Variants in NELL1 observed in about 807,000 individuals in gnomAD.
The protein encoded by NELL1 is neural EGFL like 1.
NELL1 carries 76 observed loss-of-function variants against 107.4 expected under a neutral mutation model. The observed-to-expected ratio is 0.71, with a 90% confidence interval of 0.59 to 0.86. The LOEUF is 0.86. Among genes scored for constraint, NELL1 ranks in the 40% least tolerant of loss-of-function variants. The probability of loss-of-function intolerance (pLI) is 0.00; values close to 1 mark genes in which losing one functional copy is unlikely to be tolerated. For missense variants in NELL1, 1,024 were observed against 1,005.5 expected (o/e 1.02, Z -0.25); for synonymous variants, 353 against 341.2 (o/e 1.03, Z -0.38).
At chr11:21,354,688 G>A (rs1392091724) in intron 14 of NELL1, among the ~76,000 whole-genome samples, 1 of 152,162 alleles carries the variant, frequency 6.6e-6, no homozygotes, top group Admixed American at 6.5e-5. Context: ...TTGGAGATGG[G>A]AAACAAAGAA....
At chr11:20,870,984 C>A (rs1461542230) in intron 4 of NELL1, among the ~76,000 whole-genome samples, 1 of 152,178 alleles carries the variant, frequency 6.6e-6, no homozygotes, top group Non-Finnish European at 1.5e-5. Flanking sequence ...TATTAAAAAA[C>A]AATCAAGTTT....
At chr11:21,326,364 A>C (rs1850142558) in intron 14 of NELL1, among the ~76,000 whole-genome samples, 1 of 151,754 alleles carries the variant, frequency 6.6e-6, no homozygotes, top group Non-Finnish European at 1.5e-5. Context: ...GACAAACTTC[A>C]AATAATAGGA....
intron 5 of NELL1, among the ~76,000 whole-genome samples, chr11:20,900,879 A>G (rs982191468): frequency 1.3e-5 from 2 of 152,120 alleles, no homozygotes; most frequent in Admixed American, 1.3e-4. Context: ...AAAAAATCCA[A>G]TGGTCTTCTC....
intron 2 of NELL1, among the ~76,000 whole-genome samples, chr11:20,717,691 G>A (rs1036620217): frequency 2.0e-5 from 3 of 151,920 alleles, no homozygotes; most frequent in East Asian, 3.9e-4. Flanking sequence ...TACCTTTGAG[G>A]GTTCCCCATT....
chr11:21,138,996 G>A (rs1456682594), intron 13 of NELL1, among the ~76,000 whole-genome samples: 2 of 152,308 alleles, frequency 1.3e-5, no homozygotes, highest in East Asian at 1.9e-4. Context: ...CCTCATTGGA[G>A]TAGTTTTGTA....
rs79963908 is a variant in NELL1 at position 21,570,303 on chromosome 11, C to T, written c.1981-461C>T. Among the ~76,000 whole-genome samples the T allele has an allele frequency of 1.3e-4, 20 of 151,764 alleles. 3 individuals carry two copies. The highest frequency in any genetic ancestry group is 8.3e-4 in the South Asian group (4 of 4,814). ...AAGTGGTTTAGCCTCTCTGGGTCTA[C>T]GTTAATTTTCTGTATAAAGGGCATA... On this transcript the variant is annotated intron_variant, in intron 17 of 19. Coordinates refer to ENST00000357134, the MANE Select transcript of NELL1 (RefSeq NM_006157.5).
chr11:20,920,221 T>C (rs1850347660), intron 7 of NELL1, among the ~76,000 whole-genome samples: 1 of 21,318 alleles, frequency 4.7e-5, no homozygotes, highest in Middle Eastern at 0.016. Flanking sequence ...GACATTATAC[T>C]CTGCAAAAGA....
intron 6 of NELL1, 24 bp downstream of exon 6, chr11:20,918,278 T>A (rs1850301632): frequency 1.5e-6 from 2 of 1,318,436 alleles, no homozygotes; most frequent in African/African-American, 1.5e-5. Context: ...TAAAGCATTG[T>A]GATATATTAT....
At chr11:21,162,096 A>G (rs1856385440) in intron 13 of NELL1, among the ~76,000 whole-genome samples, 1 of 151,844 alleles carries the variant, frequency 6.6e-6, no homozygotes, top group Non-Finnish European at 1.5e-5. Flanking sequence ...AACTATAGGC[A>G]TGAGCCACCA....
At chr11:21,486,456 T>G (rs1473395642) in intron 15 of NELL1, among the ~76,000 whole-genome samples, 2 of 152,106 alleles carry the variant, frequency 1.3e-5, no homozygotes, top group Non-Finnish European at 2.9e-5. Context: ...ACCAACAACA[T>G]ATCTACATCT....
At chr11:20,921,435 A>G (rs1025677704) in intron 7 of NELL1, among the ~76,000 whole-genome samples, 16 of 152,254 alleles carry the variant, frequency 1.1e-4, no homozygotes, top group South Asian at 1.0e-3. Flanking sequence ...AACTTTTCCT[A>G]AGAGAGTAGA....
chr11:20,992,585 A>C (rs997203230), intron 12 of NELL1, among the ~76,000 whole-genome samples: 2 of 152,056 alleles, frequency 1.3e-5, no homozygotes, highest in Non-Finnish European at 2.9e-5. Flanking sequence ...TCTGGCCTTG[A>C]ATGGGTCAAG....
rs536522876 is a variant in NELL1 at position 20,973,399 on chromosome 11, C to T, written c.1300+12839C>T. Among the ~76,000 whole-genome samples, 31 of 152,270 alleles carry T rather than the reference C, an allele frequency of 2.0e-4. No individual in the cohort carries two copies. The East Asian group carries it at 2.9e-3, about 14-fold the overall frequency. On this transcript the variant is annotated intron_variant, in intron 12 of 19. Transcript: ENST00000357134. The stretch of plus-strand genomic sequence containing the variant: ...TTGGGATTACAGGCATGAGCCACTG[C>T]GTCCAGCCTCTTCGTTACTTTTTCT...
chr11:20,768,078 A>G (rs1286200880), intron 2 of NELL1, among the ~76,000 whole-genome samples: 1 of 152,190 alleles, frequency 6.6e-6, no homozygotes, highest in Non-Finnish European at 1.5e-5. Context: ...CAAAGATAAT[A>G]TTATTATTAA....
chr11:21,529,423 G>A (rs1208500436), intron 15 of NELL1, among the ~76,000 whole-genome samples: 1 of 152,192 alleles, frequency 6.6e-6, no homozygotes, highest in Non-Finnish European at 1.5e-5. Context: ...TTCTGCCTCA[G>A]GGTCTTTGCA....
chr11:21,018,625 G>C (rs1476896179), intron 12 of NELL1, among the ~76,000 whole-genome samples: 1 of 152,086 alleles, frequency 6.6e-6, no homozygotes, highest in Non-Finnish European at 1.5e-5. Context: ...AGGCACATTA[G>C]ATTATGACCT....
At chr11:20,771,786 G>A (rs529576598) in intron 2 of NELL1, among the ~76,000 whole-genome samples, 25 of 152,120 alleles carry the variant, frequency 1.6e-4, no homozygotes, top group African/African-American at 2.2e-4. Context: ...TTTTGCCCGC[G>A]GAGCCACAGG....
At chr11:21,356,629 A>G (rs2133729479) in intron 14 of NELL1, among the ~76,000 whole-genome samples, 1 of 152,326 alleles carries the variant, frequency 6.6e-6, no homozygotes, top group South Asian at 2.1e-4. Flanking sequence ...ACTGTAGCGC[A>G]TAGTAGATGC....
At chr11:20,857,003 C>T (rs1451835713) in intron 4 of NELL1, among the ~76,000 whole-genome samples, 1 of 152,200 alleles carries the variant, frequency 6.6e-6, no homozygotes, top group African/African-American at 2.4e-5. Flanking sequence ...GTTTGGAGTA[C>T]AGGTGCATAA....
Sources: allele counts gnomAD v4.1 joint callset (sites outside exome capture counted in the v4.1 genomes callset), GRCh38; gene constraint gnomAD v4.1.1; transcripts MANE v1.5; gene names NCBI Gene and HGNC (gene_info 2026-07-23, HGNC 2026-07-21).